The following SLC9A6 variants were observed in gnomAD, a reference collection of about 807,000 sequenced individuals.
The protein encoded by SLC9A6 is solute carrier family 9 member A6, also known as sodium/hydrogen exchanger 6.
A neutral mutation model predicts 45.3 loss-of-function variants in SLC9A6; 6 were observed. That is an observed-to-expected ratio of 0.13 (90% CI 0.07 to 0.26). SLC9A6 has a LOEUF of 0.26. SLC9A6 is among the 10% of genes least tolerant of loss of function. The pLI is 1.00. For missense variants in SLC9A6, 278 were observed against 503.7 expected, an observed-to-expected ratio of 0.55 and a Z score of 4.29; for synonymous variants, 191 against 187.7, an observed-to-expected ratio of 1.02 and a Z score of -0.14.
intron 13 of SLC9A6, among the ~76,000 whole-genome samples, chrX:136,026,385 G>A (rs1284696049): frequency 1.8e-5 from 2 of 111,871 alleles, no homozygotes; most frequent in Non-Finnish European, 3.8e-5. Flanking sequence ...GTATGTTATA[G>A]TACCTACCTC....
chrX:136,020,210 G>A (rs2071097928), intron 11 of SLC9A6, among the ~76,000 whole-genome samples: 1 of 111,599 alleles, frequency 9.0e-6, no homozygotes, highest in Admixed American at 9.5e-5. Context: ...GAAGGAAGTT[G>A]CTATGAGCAA....
chrX:135,981,899 A>G (rs2089287051), upstream of SLC9A6, among the ~76,000 whole-genome samples: 1 of 107,551 alleles, frequency 9.3e-6, no homozygotes, highest in African/African-American at 3.3e-5. Context: ...GTATATATGT[A>G]AACTTTGCAA....
chrX:136,041,086 C>G lies in SLC9A6; in HGVS notation c.1767+905C>G, dbSNP rs1173362214. On this transcript the variant is annotated intron_variant, in intron 17 of 17. Coordinates refer to ENST00000630721, the MANE Select transcript of SLC9A6 (RefSeq NM_001379110.1). The stretch of plus-strand genomic sequence containing the variant: ...TGAGCAGAGATCATGCCACTGCACT[C>G]CAGCCTGGGTGACAGAGTGAGACTC... Among the ~76,000 whole-genome samples the G allele has an allele frequency of 4.5e-5, 5 of 110,721 alleles. No homozygotes were observed. The East Asian group carries it at 1.4e-3, about 31-fold the overall frequency.
chrX:136,045,223 G>T lies in SLC9A6; in HGVS notation c.*499G>T. ...GATCGTTTTCTTTCCCTTTTCTCTGGTGGCCTGTTGTGGTGCAACGAGCTG... is the reference window on the plus strand; with the variant it reads ...GATCGTTTTCTTTCCCTTTTCTCTGTTGGCCTGTTGTGGTGCAACGAGCTG... On this transcript the variant is annotated 3_prime_UTR_variant, in exon 18 of 18. Transcript: ENST00000630721. 8.2e-6 allele frequency: 1 copy of T among 122,401 alleles called. No individual in the cohort carries two copies. The highest frequency in any genetic ancestry group is 1.7e-5 in the Non-Finnish European group (1 of 59,019). 10.1% of individuals were successfully genotyped at this position (122,401 alleles called of 1,213,427 possible). A position where few individuals can be genotyped will look rare whatever the true frequency, so the allele number is the denominator to read the frequency against.
chrX:135,976,064 G>A (rs1284153853), intron 1 of SLC9A6, among the ~76,000 whole-genome samples: 1 of 108,038 alleles, frequency 9.3e-6, no homozygotes, highest in African/African-American at 3.4e-5. Context: ...TTTTTGTCCT[G>A]GATCTCATTT....
intron 8 of SLC9A6, 68 bp from the exon 9 acceptor site, chrX:136,012,881 T>G (rs1171710228): frequency 1.2e-6 from 1 of 822,964 alleles, no homozygotes; most frequent in African/African-American, 2.0e-5. Context: ...TTGCCTTGCT[T>G]AAACTGTTAT....
At chrX:136,011,433 G>C (rs1343348554) in intron 8 of SLC9A6, among the ~76,000 whole-genome samples, 1 of 109,675 alleles carries the variant, frequency 9.1e-6, no homozygotes, top group Non-Finnish European at 1.9e-5. Context: ...GTAGAGATGG[G>C]GTTTCATCAT....
chrX:135,997,544 A>G (rs2089522879), intron 3 of SLC9A6, among the ~76,000 whole-genome samples: 1 of 95,403 alleles, frequency 1.0e-5, no homozygotes, highest in African/African-American at 4.1e-5. Flanking sequence ...AGTAGCTGGG[A>G]TTACAGGCAC....
At chrX:136,011,906 C>T (rs782503846) in intron 8 of SLC9A6, among the ~76,000 whole-genome samples, 282 of 110,736 alleles carry the variant, frequency 2.5e-3, no homozygotes, top group African/African-American at 8.9e-3. Flanking sequence ...CTGGCCAACA[C>T]GGTGAAACCC....
intron 7 of SLC9A6, among the ~76,000 whole-genome samples, chrX:136,003,835 T>C (rs2089615581): frequency 8.9e-6 from 1 of 111,896 alleles, no homozygotes; most frequent in Non-Finnish European, 1.9e-5. Context: ...AATATCTCAT[T>C]GTAGCTTAAT....
intron 11 of SLC9A6, among the ~76,000 whole-genome samples, chrX:136,019,115 A>G (rs2071076453): frequency 8.9e-6 from 1 of 112,052 alleles, no homozygotes; most frequent in Non-Finnish European, 1.9e-5. Flanking sequence ...ATGGCCTCGT[A>G]ACAGGAGAGA....
rs57852133 is a variant in SLC9A6, at chrX:135,991,937, A to C, written c.170-2849A>C. 2.7e-4 allele frequency among the ~76,000 whole-genome samples: 30 copies of C among 110,229 alleles called. No individual in the cohort carries two copies. In the East Asian group the frequency reaches 8.4e-3, roughly 31 times the overall value. On this transcript the variant is annotated intron_variant, in intron 2 of 17. Transcript: ENST00000630721. Reference sequence around the variant, plus strand: ...TATATCATAGTCTTCTTCCCATTTTACTTGCTCCCCTGGCGATCTCATCTA... The same window carrying C: ...TATATCATAGTCTTCTTCCCATTTTCCTTGCTCCCCTGGCGATCTCATCTA...
Position 136,028,991 on chromosome X carries a change from C to G in SLC9A6, c.1550+16C>G, listed in dbSNP as rs2071272960. ...AGACTGACAGGTAAATAACTATACT[C>G]TACTGTGCTAAGTATCATAATAAAG... is the stretch of plus-strand genomic sequence containing the variant. On this transcript the variant is annotated intron_variant, in intron 14 of 17. Transcript: ENST00000630721. 1 of 293,815 alleles carries G rather than the reference C, an allele frequency of 3.4e-6. No individual in the cohort carries two copies. Among genetic ancestry groups the G allele is most frequent in the South Asian group, 2.1e-4 (1 of 4,790 alleles). 24.2% of individuals were successfully genotyped at this position (293,815 alleles called of 1,213,427 possible).
rs782506350 is a variant in SLC9A6, at chrX:136,035,665, A to T, written c.1661+2172A>T. Among the ~76,000 whole-genome samples the T allele has an allele frequency of 2.7e-5, 3 of 112,038 alleles. No homozygotes were observed. The East Asian group carries it at 8.4e-4, about 31-fold the overall frequency. ...TGAATATATATCTTTTGGTGGACAT[A>T]GCACTCATTTCTCTTGGGTATATAC... On this transcript the variant is annotated intron_variant, in intron 16 of 17. Coordinates refer to ENST00000630721, the MANE Select transcript of SLC9A6 (RefSeq NM_001379110.1).
At chrX:135,985,905 C>A in intron 2 of SLC9A6, 78 bp downstream of exon 2, 1 of 1,100,215 alleles carries the variant, frequency 9.1e-7, no homozygotes, top group Non-Finnish European at 1.2e-6. Flanking sequence ...CCTCTGCTGG[C>A]CCTGCTCGGC....
intron 13 of SLC9A6, among the ~76,000 whole-genome samples, chrX:136,027,661 A>C (rs782433861): frequency 4.0e-4 from 45 of 112,079 alleles, no homozygotes; most frequent in Non-Finnish European, 7.7e-4. Flanking sequence ...ATCCCAGTAA[A>C]ACTTTATTTA....
At position 136,013,345 on chromosome X, in the gene SLC9A6, A is replaced by G. The variant is rs781957240; in HGVS notation, c.992-4A>G. ...TGTGAACTTGGAATTTGTTGTCTTT[A>G]TAGGTGTAGTTGCAGTATTGTTTTG... is the stretch of plus-strand genomic sequence containing the variant. On this transcript the variant is annotated splice_region_variant and splice_polypyrimidine_tract_variant and intron_variant, in intron 9 of 17. Transcript: ENST00000630721. 4.4e-5 allele frequency: 52 copies of G among 1,188,437 alleles called. No individual in the cohort carries two copies. Among genetic ancestry groups the G allele is most frequent in the Admixed American group, 2.2e-5 (1 of 45,674 alleles).
chrX:135,975,817 A>C (rs1556613259), intron 1 of SLC9A6, among the ~76,000 whole-genome samples: 2 of 110,829 alleles, frequency 1.8e-5, no homozygotes, highest in Non-Finnish European at 3.8e-5. Flanking sequence ...AAAAACAAAT[A>C]AGACATCTCA....
At chrX:135,982,097 C>T (rs782747359), upstream of SLC9A6, among the ~76,000 whole-genome samples, 302 of 111,552 alleles carry the variant, frequency 2.7e-3, 3 homozygotes, top group African/African-American at 9.3e-3. Flanking sequence ...GCCCTTAAAA[C>T]GTGAAAAACA....
Sources: allele counts gnomAD v4.1 joint callset (sites outside exome capture counted in the v4.1 genomes callset), GRCh38; gene constraint gnomAD v4.1.1; transcripts MANE v1.5; gene names NCBI Gene and HGNC (gene_info 2026-07-23, HGNC 2026-07-21).